The following SYT17 variants were observed in gnomAD, a reference collection of about 807,000 sequenced individuals.
SYT17 encodes the protein synaptotagmin 17.
In SYT17, 22 loss-of-function variants were observed where a neutral mutation model predicts 46.7. That is an observed-to-expected ratio of 0.47 (90% CI 0.34 to 0.67). The LOEUF is 0.67. SYT17 is among the 30% of genes least tolerant of loss of function. The probability of loss-of-function intolerance (pLI) is 0.01; values close to 1 mark genes in which losing one functional copy is unlikely to be tolerated. For synonymous variants in SYT17, 251 were observed against 248.4 expected, an observed-to-expected ratio of 1.01 and a Z score of -0.10; for missense variants, 519 against 612.8, an observed-to-expected ratio of 0.85 and a Z score of 1.62.
At chr16:19,170,148 C>A (rs1301178926) in intron 1 of SYT17, 1 of 152,136 alleles carries the variant, frequency 6.6e-6, no homozygotes, top group Non-Finnish European at 1.5e-5. Context: ...CTTGGAGGCT[C>A]ACATGGTCTC....
chr16:19,202,336 A>G lies in SYT17; in HGVS notation c.951+18189A>G, dbSNP rs74982731. On this transcript the variant is annotated intron_variant, in intron 5 of 7. Coordinates refer to ENST00000355377, the MANE Select transcript of SYT17 (RefSeq NM_016524.4). ...GGAAAGCACTTTACTTACTATGACC[A>G]GTTTATTATAAATGACACAACTTAG... is the stretch of plus-strand genomic sequence containing the variant. 1.6e-4 allele frequency among the ~76,000 whole-genome samples: 25 copies of G among 152,320 alleles called. No homozygotes were observed. The East Asian group carries it at 3.7e-3, about 22-fold the overall frequency.
intron 2 of SYT17, 145 bp downstream of exon 2, chr16:19,172,922 TA>T (rs1479380102): frequency 6.9e-6 from 7 of 1,013,994 alleles, no homozygotes; most frequent in Non-Finnish European, 1.0e-5. Flanking sequence ...CATTCCTTTC[TA>T]CCGAAAGGAG....
chr16:19,186,822 G>A (rs1964808817), intron 5 of SYT17, among the ~76,000 whole-genome samples: 2 of 151,910 alleles, frequency 1.3e-5, no homozygotes. Flanking sequence ...TCTCTGATCT[G>A]CTCATTTCTT....
At position 19,224,670 on chromosome 16, in the gene SYT17, G is replaced by A. The variant is rs758054805; in HGVS notation, c.1073-13G>A. 23 of 1,613,706 alleles carry A rather than the reference G, an allele frequency of 1.4e-5. No homozygotes were observed. The highest frequency in any genetic ancestry group is 1.5e-5 in the Non-Finnish European group (18 of 1,179,790). ...GATCTCCAACATTCTATGATGCTGT[G>A]TCTAATTTTCAGACCCCTTTGTGAA... On this transcript the variant is annotated splice_polypyrimidine_tract_variant and intron_variant, in intron 6 of 7. Coordinates refer to ENST00000355377, the MANE Select transcript of SYT17 (RefSeq NM_016524.4).
chr16:19,237,013 C>T (rs777211012), intron 7 of SYT17, among the ~76,000 whole-genome samples: 1 of 152,218 alleles, frequency 6.6e-6, no homozygotes, highest in South Asian at 2.1e-4. Flanking sequence ...AACAAAGATA[C>T]TCTTCTTAGG....
In SYT17 at chr16:19,223,123, C is replaced by T; in HGVS notation, c.1030C>T (p.Arg344Ter). 4 of 1,613,940 alleles carry T rather than the reference C, an allele frequency of 2.5e-6. No individual in the cohort carries two copies. The highest frequency in any genetic ancestry group is 1.7e-5 in the Admixed American group (1 of 60,004). Reference sequence around the variant, plus strand: ...TGGCAGACTGAATGTTGATGTCATTCGAGCCAAGCAACTTCTTCAGACAGA... The same window carrying T: ...TGGCAGACTGAATGTTGATGTCATTTGAGCCAAGCAACTTCTTCAGACAGA... ...SAGRLNVDVI[R>*]AKQLLQTDVS... Residue 344 changes from arginine (R) to a stop codon, truncating the protein, a stop_gained, in exon 6 of 8, where the codon CGA becomes TGA. Transcript: ENST00000355377. LOFTEE classifies it high-confidence loss of function.
intron 7 of SYT17, among the ~76,000 whole-genome samples, chr16:19,243,017 C>T (rs1035440161): frequency 1.1e-4 from 16 of 152,100 alleles, no homozygotes; most frequent in Non-Finnish European, 2.4e-4. Context: ...ATTTGTGAGT[C>T]GACATGAAAA....
intron 7 of SYT17, among the ~76,000 whole-genome samples, chr16:19,251,572 C>G (rs1968071104): frequency 6.6e-6 from 1 of 152,142 alleles, no homozygotes; most frequent in Non-Finnish European, 1.5e-5. Flanking sequence ...AGCAGGCAAC[C>G]TTGTCAGTGG....
intron 4 of SYT17, among the ~76,000 whole-genome samples, chr16:19,181,104 G>A (rs1964538510): frequency 6.6e-6 from 1 of 152,186 alleles, no homozygotes; most frequent in African/African-American, 2.4e-5. Context: ...TGGGATTGGG[G>A]GCTCCGTATT....
intron 5 of SYT17, among the ~76,000 whole-genome samples, chr16:19,220,540 C>T (rs1389652806): frequency 2.0e-5 from 3 of 152,016 alleles, no homozygotes; most frequent in African/African-American, 7.2e-5. Context: ...CTTAGATGAT[C>T]CACCCACGTT....
At chr16:19,210,887 T>C (rs1294232023) in intron 5 of SYT17, among the ~76,000 whole-genome samples, 2 of 152,008 alleles carry the variant, frequency 1.3e-5, no homozygotes, top group African/African-American at 4.8e-5. Flanking sequence ...AGAGAAGGAG[T>C]TCAAAGCAAA....
intron 5 of SYT17, among the ~76,000 whole-genome samples, chr16:19,204,072 T>C (rs1232476217): frequency 6.6e-6 from 1 of 152,202 alleles, no homozygotes; most frequent in Non-Finnish European, 1.5e-5. Context: ...TTGCTGTTTC[T>C]GGAGCAGAGT....
At chr16:19,196,857 CT>C (rs1194012045) in intron 5 of SYT17, among the ~76,000 whole-genome samples, 3 of 151,934 alleles carry the variant, frequency 2.0e-5, no homozygotes, top group Non-Finnish European at 4.4e-5. Flanking sequence ...TTCTCTGGGA[CT>C]TTTTTTTAAG....
chr16:19,252,737 C>T (rs1372413309), intron 7 of SYT17, among the ~76,000 whole-genome samples: 2 of 150,736 alleles, frequency 1.3e-5, no homozygotes, highest in Non-Finnish European at 2.9e-5. Flanking sequence ...AATCTCAAAC[C>T]CGGCTACACA....
rs1291455600 is a variant in SYT17 at position 19,183,559 on chromosome 16, C to T, written c.363C>T (p.Leu121=). Residue 121 remains leucine, a synonymous_variant, in exon 5 of 8, where the codon CTC becomes CTT. Coordinates refer to ENST00000355377, the MANE Select transcript of SYT17 (RefSeq NM_016524.4). This position sits in a 1 kb window ranked among gnomAD's most constrained non-coding sequence, Gnocchi z 5.6. ...SLESRRPSSP[L]IDIKPIEFGV... ...AGTCAAGACGTCCCAGCTCTCCACT[C>T]ATCGATATTAAACCCATCGAGTTTG... 1 of 1,614,098 alleles carries T rather than the reference C, an allele frequency of 6.2e-7. No homozygotes were observed. Among genetic ancestry groups the T allele is most frequent in the East Asian group, 2.2e-5 (1 of 44,898 alleles).
intron 5 of SYT17, among the ~76,000 whole-genome samples, chr16:19,212,399 T>C (rs1965938990): frequency 6.6e-6 from 1 of 152,084 alleles, no homozygotes; most frequent in South Asian, 2.1e-4. Context: ...GGTGGGCAGA[T>C]CACTTGAGGT....
intron 7 of SYT17, among the ~76,000 whole-genome samples, chr16:19,242,536 T>C (rs888786552): frequency 9.2e-5 from 14 of 152,042 alleles, no homozygotes; most frequent in Non-Finnish European, 2.1e-4. Flanking sequence ...TTAAAAAAAT[T>C]TTTTTTGAGA....
intron 7 of SYT17, among the ~76,000 whole-genome samples, chr16:19,262,726 G>T (rs1969073238): frequency 6.6e-6 from 1 of 152,208 alleles, no homozygotes; most frequent in Admixed American, 6.5e-5. Context: ...GACCATCTGG[G>T]TAGCTGAGCC....
chr16:19,246,669 A>G (rs776829984), intron 7 of SYT17, among the ~76,000 whole-genome samples: 2 of 152,164 alleles, frequency 1.3e-5, no homozygotes, highest in Non-Finnish European at 2.9e-5. Context: ...GTGTATGTCT[A>G]TATCTCTACT....
Sources: allele counts gnomAD v4.1 joint callset (sites outside exome capture counted in the v4.1 genomes callset), GRCh38; gene constraint gnomAD v4.1.1; non-coding constraint Gnocchi (gnomAD v3.1); transcripts MANE v1.5; gene names NCBI Gene and HGNC (gene_info 2026-07-23, HGNC 2026-07-21).